Variants in SOAT2 observed in about 807,000 individuals in gnomAD.
SOAT2 encodes ACAT-2.
In SOAT2, 87 loss-of-function variants were observed where a neutral mutation model predicts 76.0. The ratio of observed to expected loss-of-function variants is 1.14; its 90% CI spans 0.96 to 1.37. SOAT2 has a LOEUF of 1.37. Among genes scored for constraint, SOAT2 ranks in the 40% most tolerant of loss-of-function variants. The pLI is 0.00. For missense variants in SOAT2, 686 were observed against 682.1 expected, an observed-to-expected ratio of 1.01 and a Z score of -0.06; for synonymous variants, 285 against 275.4, an observed-to-expected ratio of 1.03 and a Z score of -0.34.
intron 10 of SOAT2, among the ~76,000 whole-genome samples, chr12:53,120,493 G>A (rs4919731): frequency 6.6e-6 from 1 of 151,820 alleles, no homozygotes; most frequent in Non-Finnish European, 1.5e-5. Context: ...AAAAAAATTA[G>A]CTGGGAGTGG....
At chr12:53,122,951 C>A in intron 12 of SOAT2, 130 bp from the exon 13 acceptor site, 3 of 1,018,080 alleles carry the variant, frequency 2.9e-6, no homozygotes, top group Non-Finnish European at 4.0e-6. Flanking sequence ...GGCGGCTGGC[C>A]GGGCGGGGGG....
intron 14 of SOAT2, 55 bp downstream of exon 14, chr12:53,123,928 C>T: frequency 6.2e-7 from 1 of 1,610,234 alleles, no homozygotes; most frequent in Middle Eastern, 1.7e-4. Context: ...CACAGACCAA[C>T]AGCCAGTCCC....
intron 4 of SOAT2, 83 bp downstream of exon 4, chr12:53,105,703 C>A (rs2272302): frequency 1.5e-6 from 2 of 1,321,966 alleles, no homozygotes; most frequent in South Asian, 1.2e-5. Flanking sequence ...TCATCCCCAG[C>A]CTCTAGGTGG....
chr12:53,123,168 C>G lies in SOAT2; in HGVS notation c.1324C>G (p.Leu442Val). The G allele has an allele frequency of 6.2e-7, 1 of 1,614,096 alleles. No individual in the cohort carries two copies. Among genetic ancestry groups the G allele is most frequent in the Non-Finnish European group, 8.5e-7 (1 of 1,179,960 alleles). Reference sequence around the variant, plus strand: ...CCATGAGTATATCTTCTGCTTCGTCCTGGGGTTCTTCTATCCCGTCATGCT... The same window carrying G: ...CCATGAGTATATCTTCTGCTTCGTCGTGGGGTTCTTCTATCCCGTCATGCT... ...VAHEYIFCFV[L>V]GFFYPVMLIL... is the part of the protein sequence containing the mutation. Residue 442 changes from leucine (L) to valine (V), a missense_variant, in exon 13 of 15, where the codon CTG (leucine) becomes GTG (valine). Coordinates refer to ENST00000301466, the MANE Select transcript of SOAT2 (RefSeq NM_003578.4).
intron 5 of SOAT2, among the ~76,000 whole-genome samples, chr12:53,110,528 T>C (rs1937996109): frequency 6.6e-6 from 1 of 152,250 alleles, no homozygotes; most frequent in African/African-American, 2.4e-5. Context: ...CTTTCTGATT[T>C]GTCCTAAACA....
At position 53,115,953 on chromosome 12, in the gene SOAT2, T is replaced by C. The variant is rs866201591; in HGVS notation, c.709-144T>C. On this transcript the variant is annotated intron_variant, in intron 6 of 14. Transcript: ENST00000301466. ...CAGCATATGTTAGGCTATACGGCCA[T>C]CCAACAAAAAGAAAAAGTATGGGCT... The C allele has an allele frequency of 9.8e-5, 74 of 756,904 alleles. No homozygotes were observed. The Middle Eastern group carries it at 2.1e-3, about 22-fold the overall frequency. The allele number at this position is 756,904 out of a possible 1,614,324, so 46.9% of individuals were successfully genotyped here.
intron 1 of SOAT2, 23 bp from the exon 2 acceptor site, chr12:53,104,128 G>C (rs1186128814): frequency 2.5e-6 from 4 of 1,609,820 alleles, no homozygotes; most frequent in South Asian, 2.2e-5. Flanking sequence ...CCTGTTGACT[G>C]TGCCTTTGAT....
Position 53,120,824 on chromosome 12 carries a change from C to T in SOAT2, c.1078C>T (p.His360Tyr). 6 of 1,614,032 alleles carry T rather than the reference C, an allele frequency of 3.7e-6. No homozygotes were observed. The highest frequency in any genetic ancestry group is 5.1e-6 in the Non-Finnish European group (6 of 1,179,968). ...MLLLIFFAFL[H>Y]CWLNAFAEML... ...GCTGCTCATCTTCTTTGCCTTCCTC[C>T]ATTGCTGGCTCAACGCCTTTGCCGA... Residue 360 changes from histidine (H) to tyrosine (Y), a missense_variant, in exon 11 of 15, where the codon CAT becomes TAT. Transcript: ENST00000301466.
intron 12 of SOAT2, among the ~76,000 whole-genome samples, chr12:53,122,177 C>T (rs957290907): frequency 3.3e-5 from 5 of 149,876 alleles, no homozygotes; most frequent in Middle Eastern, 6.9e-3. Context: ...CTGCGCCACA[C>T]TCCCCCTGGC....
At chr12:53,117,502 A>G (rs1326690114) in intron 7 of SOAT2, among the ~76,000 whole-genome samples, 2 of 151,990 alleles carry the variant, frequency 1.3e-5, no homozygotes, top group Non-Finnish European at 2.9e-5. Context: ...CAGAACACAC[A>G]CAGAATTTGT....
chr12:53,114,228 T>C (rs970219495), intron 5 of SOAT2, among the ~76,000 whole-genome samples: 1 of 152,132 alleles, frequency 6.6e-6, no homozygotes, highest in South Asian at 2.1e-4. Context: ...GCAACAGCAC[T>C]GCCTTTTGGT....
Position 53,121,287 on chromosome 12 carries a change from A to C in SOAT2, c.1138-16A>C. 1 of 1,600,342 alleles carries C rather than the reference A, an allele frequency of 6.2e-7. No homozygotes were observed. Among genetic ancestry groups the C allele is most frequent in the Non-Finnish European group, 8.6e-7 (1 of 1,167,700 alleles). ...TGCTTACCTCCTTTCCCCCACTCTG[A>C]CCCCACCTTCTCCAGGACTGGTGGA... On this transcript the variant is annotated splice_polypyrimidine_tract_variant and intron_variant, in intron 11 of 14. Transcript: ENST00000301466.
intron 5 of SOAT2, 103 bp from the exon 6 acceptor site, chr12:53,115,287 T>C: frequency 7.4e-7 from 1 of 1,359,424 alleles, no homozygotes; most frequent in African/African-American, 1.5e-5. Flanking sequence ...GCTCACAACC[T>C]GATCAAGATA....
chr12:53,118,307 C>A, intron 7 of SOAT2, 43 bp from the exon 8 acceptor site: 1 of 1,344,784 alleles, frequency 7.4e-7, no homozygotes, highest in Non-Finnish European at 1.1e-6. Context: ...CCTCTGCCCT[C>A]TGCCCTTGCC....
At chr12:53,112,318 G>T (rs937466614) in intron 5 of SOAT2, among the ~76,000 whole-genome samples, 1 of 151,996 alleles carries the variant, frequency 6.6e-6, no homozygotes, top group African/African-American at 2.4e-5. Flanking sequence ...AGGCTGAGGC[G>T]GGCAGATCAC....
At chr12:53,120,956 G>A (rs1938181583) in intron 11 of SOAT2, 73 bp downstream of exon 11, 2 of 1,138,610 alleles carry the variant, frequency 1.8e-6, no homozygotes, top group Non-Finnish European at 2.7e-6. Context: ...GAAGATGGTA[G>A]CCAGGTTGGG....
In SOAT2 at chr12:53,123,749, A is replaced by G. The variant is rs1322931135; in HGVS notation, c.1394A>G (p.His465Arg). Residue 465 changes from histidine to arginine, a missense_variant, in exon 14 of 15, where the codon CAT (histidine) becomes CGT (arginine). By Grantham distance (29) the His-to-Arg change is conservative. Coordinates refer to ENST00000301466, the MANE Select transcript of SOAT2 (RefSeq NM_003578.4). ...VIGGMLNFMM[H>R]DQRTGPAWNV... ...CCAGGAATGTTGAACTTCATGATGCATGACCAGCGCACCGGCCCGGCATGG... is the reference window on the plus strand; with the variant it reads ...CCAGGAATGTTGAACTTCATGATGCGTGACCAGCGCACCGGCCCGGCATGG... The G allele has an allele frequency of 1.2e-6, 2 of 1,613,608 alleles. No homozygotes were observed. The highest frequency in any genetic ancestry group is 2.2e-5 in the East Asian group (1 of 44,878).
At chr12:53,113,593 G>C (rs1336395095) in intron 5 of SOAT2, among the ~76,000 whole-genome samples, 4 of 152,192 alleles carry the variant, frequency 2.6e-5, no homozygotes, top group South Asian at 2.1e-4. Context: ...GCCCAGTAAC[G>C]AGATGCAGAT....
At position 53,105,135 on chromosome 12, in the gene SOAT2, C is replaced by A. The variant is rs753091495; in HGVS notation, c.167C>A (p.Ala56Glu). Residue 56 changes from alanine to glutamate, a missense_variant, in exon 3 of 15, where the codon GCG becomes GAG. Coordinates refer to ENST00000301466, the MANE Select transcript of SOAT2 (RefSeq NM_003578.4). ...EAVKAQLLEQ[A>E]QGQLRELLDR... ...GTGAAGGCACAATTGCTGGAGCAAG[C>A]GCAGGGACAACTGAGGGAGCTGCTG... 5.1e-6 allele frequency: 8 copies of A among 1,565,900 alleles called. No homozygotes were observed. The highest frequency in any genetic ancestry group is 6.9e-6 in the Non-Finnish European group (8 of 1,155,112).
Sources: allele counts gnomAD v4.1 joint callset (sites outside exome capture counted in the v4.1 genomes callset), GRCh38; gene constraint gnomAD v4.1.1; transcripts MANE v1.5; gene names NCBI Gene and HGNC (gene_info 2026-07-23, HGNC 2026-07-21).